Variants in TACR3 observed in about 807,000 individuals in gnomAD.
The protein encoded by TACR3 is neuromedin-K receptor.
Under a neutral mutation model 35.0 loss-of-function variants are expected in TACR3, and 34 were observed. The ratio of observed to expected loss-of-function variants is 0.97; its 90% CI spans 0.74 to 1.30. The LOEUF is 1.30. Ranked by LOEUF, TACR3 falls within the 50% of genes most tolerant of loss-of-function variation. The pLI is 0.00. For missense variants in TACR3, 558 were observed against 591.7 expected (o/e 0.94, Z 0.59); for synonymous variants, 233 against 221.1 (o/e 1.05, Z -0.48).
intron 3 of TACR3, among the ~76,000 whole-genome samples, chr4:103,645,172 G>C (rs1002219126): frequency 6.6e-6 from 1 of 151,838 alleles, no homozygotes; most frequent in Admixed American, 6.6e-5. Flanking sequence ...CTGTCTCTTA[G>C]AAAAATGTGA....
intron 3 of TACR3, among the ~76,000 whole-genome samples, chr4:103,635,460 T>G (rs1179953351): frequency 2.0e-5 from 3 of 151,986 alleles, no homozygotes; most frequent in African/African-American, 7.2e-5. Context: ...AAAACATAAC[T>G]TGCAGACAAC....
At chr4:103,673,483 A>T (rs1402797580) in intron 1 of TACR3, among the ~76,000 whole-genome samples, 1 of 152,174 alleles carries the variant, frequency 6.6e-6, no homozygotes, top group African/African-American at 2.4e-5. Context: ...GAGCAGTCAG[A>T]ACATATACAT....
In TACR3 at chr4:103,589,995, C is replaced by T; in HGVS notation, c.1086-1G>A. 1.2e-6 allele frequency: 2 copies of T among 1,613,356 alleles called. No individual in the cohort carries two copies. The highest frequency in any genetic ancestry group is 1.7e-5 in the Admixed American group (1 of 59,914). On this transcript the variant is annotated splice_acceptor_variant, in intron 4 of 4. Coordinates refer to ENST00000304883, the MANE Select transcript of TACR3 (RefSeq NM_001059.3). LOFTEE classifies it high-confidence loss of function. ...TGCTCTCTTGAAGCCAGCTCGAAAT[C>T]TGAGGAAAAGCAGGCCACAGAAAGA... is the stretch of plus-strand genomic sequence containing the variant.
rs977473723 is a variant in TACR3 at position 103,586,868 on chromosome 4, A to C, written c.*2814T>G. On this transcript the variant is annotated 3_prime_UTR_variant, in exon 5 of 5. Transcript: ENST00000304883. ...TTTGTCCAGATGCAAAATAGTAAGC[A>C]ATGTTTATTTTTGATTTAATGTATT... is the stretch of plus-strand genomic sequence containing the variant. 1 of 152,078 alleles carries C rather than the reference A, an allele frequency of 6.6e-6. No homozygotes were observed. The highest frequency in any genetic ancestry group is 2.4e-5 in the African/African-American group (1 of 41,400). 9.4% of individuals were successfully genotyped at this position (152,078 alleles called of 1,614,324 possible). A position where few individuals can be genotyped will look rare whatever the true frequency, so the allele number is the denominator to read the frequency against.
At chr4:103,650,645 A>C (rs1480334694) in intron 3 of TACR3, among the ~76,000 whole-genome samples, 2 of 55,112 alleles carry the variant, frequency 3.6e-5, no homozygotes, top group Non-Finnish European at 5.7e-5. Context: ...ATATATATTT[A>C]ATATATATAA....
chr4:103,680,777 T>A (rs1442573545), intron 1 of TACR3, among the ~76,000 whole-genome samples: 1 of 151,654 alleles, frequency 6.6e-6, no homozygotes, highest in Non-Finnish European at 1.5e-5. Flanking sequence ...ACCATGAGGA[T>A]CTTTTAAACT....
Position 103,656,308 on chromosome 4 carries a change from G to C in TACR3, c.774C>G (p.Phe258Leu). ...ATGTAATACCCATGATGAGCAATGG[G>C]AAACAGTACACCAGTATAATGACGA... ...HIIVIILVYC[F>L]PLLIMGITYT... The change falls in exon 3 of 5, where the codon TTC (phenylalanine) becomes TTG (leucine). Residue 258 changes from phenylalanine (F) to leucine (L), a missense_variant. Phe to Leu is a conservative substitution (Grantham distance 22). Coordinates refer to ENST00000304883, the MANE Select transcript of TACR3 (RefSeq NM_001059.3). 1 of 1,612,690 alleles carries C rather than the reference G, an allele frequency of 6.2e-7. No individual in the cohort carries two copies. The highest frequency in any genetic ancestry group is 8.5e-7 in the Non-Finnish European group (1 of 1,179,108).
intron 3 of TACR3, among the ~76,000 whole-genome samples, chr4:103,597,559 C>T (rs181623421): frequency 6.6e-6 from 1 of 152,186 alleles, no homozygotes; most frequent in African/African-American, 2.4e-5. Context: ...CACCCATTAA[C>T]TCGTCATTTA....
At chr4:103,714,174 T>C (rs981517340) in intron 1 of TACR3, among the ~76,000 whole-genome samples, 2 of 152,168 alleles carry the variant, frequency 1.3e-5, no homozygotes, top group Non-Finnish European at 2.9e-5. Flanking sequence ...AAGAATATGT[T>C]ATATATTAAG....
At chr4:103,682,384 TA>T (rs1387051970) in intron 1 of TACR3, among the ~76,000 whole-genome samples, 1 of 152,042 alleles carries the variant, frequency 6.6e-6, no homozygotes, top group Non-Finnish European at 1.5e-5. Flanking sequence ...TCAGGAAACT[TA>T]CAATTATGGT....
At chr4:103,630,873 A>G (rs947678961) in intron 3 of TACR3, among the ~76,000 whole-genome samples, 2 of 152,190 alleles carry the variant, frequency 1.3e-5, no homozygotes, top group African/African-American at 4.8e-5. Flanking sequence ...ATAAAGACAC[A>G]CACACACGTG....
chr4:103,710,428 A>C (rs1722917239), intron 1 of TACR3, among the ~76,000 whole-genome samples: 1 of 151,964 alleles, frequency 6.6e-6, no homozygotes. Context: ...AACTAAATGA[A>C]GTCAGAAATA....
At chr4:103,600,204 A>T (rs1024569471) in intron 3 of TACR3, among the ~76,000 whole-genome samples, 1 of 152,106 alleles carries the variant, frequency 6.6e-6, no homozygotes, top group Non-Finnish European at 1.5e-5. Flanking sequence ...GTGTCAAGGA[A>T]TTTATCCATT....
intron 1 of TACR3, among the ~76,000 whole-genome samples, chr4:103,685,514 CTT>C (rs904670669): frequency 7.9e-5 from 12 of 152,090 alleles, no homozygotes; most frequent in Non-Finnish European, 1.8e-4. Flanking sequence ...ATAAATTAAT[CTT>C]TATCAAAATT....
At chr4:103,635,084 A>G (rs921559637) in intron 3 of TACR3, among the ~76,000 whole-genome samples, 1 of 152,030 alleles carries the variant, frequency 6.6e-6, no homozygotes, top group African/African-American at 2.4e-5. Context: ...GCATACAAGT[A>G]TATTACCTAC....
At chr4:103,665,267 GTA>G (rs1172338339) in intron 1 of TACR3, among the ~76,000 whole-genome samples, 3 of 151,606 alleles carry the variant, frequency 2.0e-5, no homozygotes, top group African/African-American at 4.8e-5. Context: ...ATTCATATAT[GTA>G]TATATGACTA....
Position 103,719,180 on chromosome 4 carries a change from T to TA in TACR3, c.495dup (p.Ile166TyrfsTer24). 1 of 1,614,124 alleles carries TA rather than the reference T, an allele frequency of 6.2e-7. No individual in the cohort carries two copies. The highest frequency in any genetic ancestry group is 2.2e-5 in the East Asian group (1 of 44,878). ...TAGATGCTGGCGAACACAGCTGTGA[T>TA]AGGAAAGAAGTTCTGGAAGCGGCAG... On this transcript the variant is annotated frameshift_variant, in exon 1 of 5. Coordinates refer to ENST00000304883, the MANE Select transcript of TACR3 (RefSeq NM_001059.3). LOFTEE classifies it high-confidence loss of function.
chr4:103,589,607 T>A lies in TACR3; in HGVS notation c.*75A>T. 1 of 1,565,088 alleles carries A rather than the reference T, an allele frequency of 6.4e-7. No individual in the cohort carries two copies. Among genetic ancestry groups the A allele is most frequent in the Non-Finnish European group, 8.8e-7 (1 of 1,138,418 alleles). On this transcript the variant is annotated 3_prime_UTR_variant, in exon 5 of 5. Transcript: ENST00000304883. The stretch of plus-strand genomic sequence containing the variant: ...TTCTAGAGGGTATATAGGACAGGAC[T>A]GGTAAATAGGAGAATGGGGTCCTAG...
intron 1 of TACR3, among the ~76,000 whole-genome samples, chr4:103,718,114 TA>T (rs1578271747): frequency 1.3e-5 from 2 of 151,272 alleles, no homozygotes; most frequent in Admixed American, 1.3e-4. Flanking sequence ...TGTTTTTTCT[TA>T]TTTTTTTATT....
Sources: gnomAD v4.1 joint callset for allele counts (sites outside exome capture counted in the v4.1 genomes callset) on GRCh38, gnomAD v4.1.1 for gene constraint, MANE v1.5 for transcripts, NCBI Gene and HGNC (gene_info 2026-07-23, HGNC 2026-07-21) for gene names.